PKD1L3: variants seen among roughly 807,000 people sequenced by gnomAD.
PKD1L3 encodes polycystin 1 like 3, transient receptor potential channel interacting.
Under a neutral mutation model 184.1 loss-of-function variants are expected in PKD1L3, and 239 were observed. The observed-to-expected ratio is 1.30, with a 90% confidence interval of 1.17 to 1.45. The LOEUF is 1.45. PKD1L3 is among the 40% of genes most tolerant of loss of function. The pLI is 0.00. For synonymous variants in PKD1L3, 996 were observed against 778.8 expected (o/e 1.28, Z -4.64); for missense variants, 2,660 against 2,067.2 (o/e 1.29, Z -5.56).
intron 6 of PKD1L3, 66 bp from the exon 7 acceptor site, chr16:71,982,301 T>A: frequency 1.7e-6 from 2 of 1,151,944 alleles, no homozygotes; most frequent in Non-Finnish European, 2.3e-6. Context: ...TTTTTTTTTT[T>A]GGTGACAGAG....
chr16:71,975,188 T>C (rs1465133886), intron 11 of PKD1L3, among the ~76,000 whole-genome samples: 1 of 151,786 alleles, frequency 6.6e-6, no homozygotes, highest in Admixed American at 6.6e-5. Context: ...CCCAAGTAGT[T>C]AGGACTACAG....
At chr16:71,955,658 C>G (rs1006110579) in intron 16 of PKD1L3, among the ~76,000 whole-genome samples, 1 of 151,916 alleles carries the variant, frequency 6.6e-6, no homozygotes, top group African/African-American at 2.4e-5. Context: ...TTAGCTGTAT[C>G]CCCACCCAAA....
intron 11 of PKD1L3, among the ~76,000 whole-genome samples, chr16:71,975,527 T>A (rs1190583353): frequency 6.6e-6 from 1 of 152,168 alleles, no homozygotes; most frequent in Non-Finnish European, 1.5e-5. Flanking sequence ...TCATATATAG[T>A]CATCTACAAT....
At chr16:71,940,831 C>A (rs963129954) in intron 24 of PKD1L3, among the ~76,000 whole-genome samples, 2 of 90,946 alleles carry the variant, frequency 2.2e-5, no homozygotes, top group African/African-American at 9.5e-5. Context: ...CATTTATTTG[C>A]TTTTTATTGC....
chr16:71,965,385 G>C (rs928047989), intron 15 of PKD1L3, among the ~76,000 whole-genome samples: 3 of 152,030 alleles, frequency 2.0e-5, no homozygotes, highest in Admixed American at 6.6e-5. Flanking sequence ...TGTTTATCTT[G>C]GGTAAATACC....
intron 24 of PKD1L3, among the ~76,000 whole-genome samples, chr16:71,939,298 G>C (rs970980754): frequency 6.6e-6 from 1 of 152,222 alleles, no homozygotes; most frequent in African/African-American, 2.4e-5. Flanking sequence ...GTACCTGGCT[G>C]TCTCTTGGCA....
chr16:71,934,056 G>C lies in PKD1L3; in HGVS notation c.4683C>G (p.Leu1561=). The change falls in exon 27 of 30, where the codon CTC becomes CTG. Residue 1561 remains leucine (L), a synonymous_variant. Coordinates refer to ENST00000620267, the MANE Select transcript of PKD1L3 (RefSeq NM_181536.2). ...GGTTCCATAACTGAACAGTTGCCAGGAGAACCGGGAAGCCCACAAGGTGAG... is the reference window on the plus strand; with the variant it reads ...GGTTCCATAACTGAACAGTTGCCAGCAGAACCGGGAAGCCCACAAGGTGAG... ...AATHLVGFPV[L]LATVQLWNLL... is the part of the protein sequence containing the mutation. 1 of 1,551,924 alleles carries C rather than the reference G, an allele frequency of 6.4e-7. No homozygotes were observed. Among genetic ancestry groups the C allele is most frequent in the Middle Eastern group, 1.7e-4 (1 of 5,996 alleles).
chr16:71,982,278 C>CTTTTTTTTTTT, intron 6 of PKD1L3, 43 bp from the exon 7 acceptor site: 2 of 432,774 alleles, frequency 4.6e-6, no homozygotes, highest in Non-Finnish European at 6.2e-6. Context: ...GAATTGTTTG[C>CTTTTTTTTTTT]TTTTTTTTTT....
At chr16:71,956,759 T>C (rs955016194) in intron 16 of PKD1L3, among the ~76,000 whole-genome samples, 7 of 152,188 alleles carry the variant, frequency 4.6e-5, no homozygotes, top group African/African-American at 1.7e-4. Flanking sequence ...AGTATCAATA[T>C]ATATACTACT....
chr16:71,968,366 T>C (rs573988071), intron 13 of PKD1L3, among the ~76,000 whole-genome samples: 27 of 152,322 alleles, frequency 1.8e-4, no homozygotes, highest in African/African-American at 5.8e-4. Flanking sequence ...GGGGCACACT[T>C]ACACTAACGA....
At chr16:71,960,566 T>TAACG (rs1555518996) in intron 16 of PKD1L3, among the ~76,000 whole-genome samples, 1 of 150,906 alleles carries the variant, frequency 6.6e-6, no homozygotes, top group East Asian at 2.0e-4. Context: ...CCAGAAGAAA[T>TAACG]AACATACACT....
Position 71,973,475 on chromosome 16 carries a change from T to C in PKD1L3, c.1802A>G (p.His601Arg), listed in dbSNP as rs781684619. 1.9e-6 allele frequency: 3 copies of C among 1,551,856 alleles called. No individual in the cohort carries two copies. The highest frequency in any genetic ancestry group is 2.6e-6 in the Non-Finnish European group (3 of 1,147,054). ...TWVLNPEHLQ[H>R]GIGTYYITAV... ...TGTTATATAGTAGGTGCCAATCCCG[T>C]GCTGCAGATGCTCTGGATTCAGCAC... The change falls in exon 12 of 30, where the codon CAC becomes CGC. Residue 601 changes from histidine to arginine, a missense_variant. Coordinates refer to ENST00000620267, the MANE Select transcript of PKD1L3 (RefSeq NM_181536.2).
At chr16:71,969,008 G>A (rs1254190472) in intron 13 of PKD1L3, among the ~76,000 whole-genome samples, 4 of 151,758 alleles carry the variant, frequency 2.6e-5, no homozygotes, top group Admixed American at 6.6e-5. Context: ...TCAGCTCACC[G>A]CAACCTCTGT....
chr16:71,973,258 C>T (rs991147194), intron 12 of PKD1L3, 66 bp downstream of exon 12: 39 of 1,475,026 alleles, frequency 2.6e-5, no homozygotes, highest in African/African-American at 8.5e-5. Context: ...AATGAGATAA[C>T]GGATGCATTG....
chr16:71,968,148 G>T (rs1421958182), intron 13 of PKD1L3, 141 bp from the exon 14 acceptor site: 4 of 645,894 alleles, frequency 6.2e-6, no homozygotes, highest in Middle Eastern at 4.3e-4. Flanking sequence ...GTGGGCAGCA[G>T]ACAGACACAT....
At chr16:71,955,190 G>A (rs2038996909) in intron 16 of PKD1L3, among the ~76,000 whole-genome samples, 1 of 152,128 alleles carries the variant, frequency 6.6e-6, no homozygotes, top group East Asian at 1.9e-4. Context: ...GACTGGAGAT[G>A]TGAAGGGTTG....
chr16:71,933,320 A>G, intron 28 of PKD1L3, 100 bp downstream of exon 28: 1 of 836,882 alleles, frequency 1.2e-6, no homozygotes, highest in Middle Eastern at 2.3e-4. Context: ...CCCCTTTTCC[A>G]GTGTGCAGTG....
chr16:71,984,585 C>A (rs776630865), intron 5 of PKD1L3, among the ~76,000 whole-genome samples: 3 of 152,062 alleles, frequency 2.0e-5, no homozygotes, highest in Admixed American at 6.6e-5. Flanking sequence ...TAAGGCTGGG[C>A]GTGATGGCTC....
chr16:71,965,824 G>A (rs555179237), intron 15 of PKD1L3, among the ~76,000 whole-genome samples: 1 of 152,264 alleles, frequency 6.6e-6, no homozygotes, highest in Non-Finnish European at 1.5e-5. Context: ...AAAGTGCTGG[G>A]ATTACAGGCG....
Sources: allele counts gnomAD v4.1 joint callset (sites outside exome capture counted in the v4.1 genomes callset), GRCh38; gene constraint gnomAD v4.1.1; transcripts MANE v1.5; gene names NCBI Gene and HGNC (gene_info 2026-07-23, HGNC 2026-07-21).